Variants in SLC30A6 observed in about 807,000 individuals in gnomAD.
SLC30A6 encodes the protein solute carrier family 30 member 6.
Under a neutral mutation model 63.0 loss-of-function variants are expected in SLC30A6, and 55 were observed. The observed-to-expected ratio is 0.87, with a 90% CI of 0.70 to 1.09. The LOEUF (loss-of-function observed/expected upper bound fraction) is 1.09. Ranked by LOEUF, SLC30A6 falls within the 50% of genes least tolerant of loss-of-function variation. The probability of loss-of-function intolerance (pLI) is 0.00; values close to 1 mark genes in which losing one functional copy is unlikely to be tolerated. For synonymous variants in SLC30A6, 224 were observed against 186.1 expected, an observed-to-expected ratio of 1.20 and a Z score of -1.66; for missense variants, 587 against 549.2, an observed-to-expected ratio of 1.07 and a Z score of -0.69.
chr2:32,168,470 T>A (rs1680883832), intron 1 of SLC30A6, among the ~76,000 whole-genome samples: 1 of 150,532 alleles, frequency 6.6e-6, no homozygotes, highest in African/African-American at 2.4e-5. Flanking sequence ...AAACAAAATA[T>A]AAAGGAAAAT....
intron 8 of SLC30A6, among the ~76,000 whole-genome samples, chr2:32,194,418 A>C (rs1683598130): frequency 6.6e-6 from 1 of 152,234 alleles, no homozygotes; most frequent in South Asian, 2.1e-4. Context: ...GTGGATGGGC[A>C]TATATGTTTG....
chr2:32,215,512 A>G (rs1225392164), intron 13 of SLC30A6, among the ~76,000 whole-genome samples: 2 of 88,502 alleles, frequency 2.3e-5, no homozygotes, highest in Non-Finnish European at 4.8e-5. Flanking sequence ...ATATATATAT[A>G]TATATTTTTT....
chr2:32,176,381 A>C (rs976924005), intron 4 of SLC30A6, among the ~76,000 whole-genome samples: 2 of 152,140 alleles, frequency 1.3e-5, no homozygotes, highest in Non-Finnish European at 2.9e-5. Context: ...TTATTTGGCC[A>C]GGCTTAGTGG....
At chr2:32,206,841 T>G (rs1338104302) in intron 11 of SLC30A6, 45 bp from the exon 12 acceptor site, 1 of 1,541,758 alleles carries the variant, frequency 6.5e-7, no homozygotes, top group Non-Finnish European at 9.0e-7. Flanking sequence ...TTGGCAAACT[T>G]TTTTCCTTCC....
Position 32,213,521 on chromosome 2 carries a change from G to C in SLC30A6, c.885+3960G>C, listed in dbSNP as rs1356401358. ...GGTTTTTAGGTCAGTCAGATGTGCT[G>C]TTGCTTCCTGCTGCACAGATTGTGT... On this transcript the variant is annotated intron_variant, in intron 13 of 13. Transcript: ENST00000282587. Among the ~76,000 whole-genome samples the C allele has an allele frequency of 2.0e-5, 3 of 152,088 alleles. No individual in the cohort carries two copies. The East Asian group carries it at 5.8e-4, about 29-fold the overall frequency.
chr2:32,213,718 C>T (rs1017592885), intron 13 of SLC30A6, among the ~76,000 whole-genome samples: 5 of 151,838 alleles, frequency 3.3e-5, no homozygotes, highest in Admixed American at 3.3e-4. Flanking sequence ...CTAAATATGC[C>T]ATAATTTATT....
intron 1 of SLC30A6, among the ~76,000 whole-genome samples, chr2:32,166,385 C>T (rs1348794268): frequency 6.6e-6 from 1 of 151,918 alleles, no homozygotes; most frequent in Non-Finnish European, 1.5e-5. Context: ...TATTAAGTAG[C>T]CTGATTACGG....
intron 11 of SLC30A6, 63 bp downstream of exon 11, chr2:32,204,755 G>A (rs2148883297): frequency 1.3e-6 from 1 of 775,868 alleles, no homozygotes; most frequent in Non-Finnish European, 2.0e-6. Flanking sequence ...AGATTAAAAA[G>A]TTGTATGTGT....
At chr2:32,198,121 C>G (rs1683960465) in intron 10 of SLC30A6, among the ~76,000 whole-genome samples, 1 of 152,176 alleles carries the variant, frequency 6.6e-6, no homozygotes, top group Admixed American at 6.5e-5. Flanking sequence ...GCCACCACTG[C>G]TATTGCCGAG....
At chr2:32,170,782 A>G (rs1373216831) in intron 1 of SLC30A6, among the ~76,000 whole-genome samples, 1 of 152,184 alleles carries the variant, frequency 6.6e-6, no homozygotes, top group African/African-American at 2.4e-5. Context: ...TATTTTTAGT[A>G]GAGACAGGGT....
In SLC30A6 at chr2:32,200,077, T is replaced by C. The variant is rs187106582; in HGVS notation, c.665+2251T>C. 4.8e-3 allele frequency among the ~76,000 whole-genome samples: 716 copies of C among 149,294 alleles called. 8 individuals are homozygous for C. The highest frequency in any genetic ancestry group is 0.016 in the African/African-American group (626 of 40,046). ...AGGTTATATATATATGAGACATATA[T>C]ACACACACACACACACACAAATATA... On this transcript the variant is annotated intron_variant, in intron 10 of 13. Coordinates refer to ENST00000282587, the MANE Select transcript of SLC30A6 (RefSeq NM_017964.5).
intron 4 of SLC30A6, among the ~76,000 whole-genome samples, chr2:32,178,958 A>C (rs1682042169): frequency 6.6e-6 from 1 of 152,122 alleles, no homozygotes; most frequent in Non-Finnish European, 1.5e-5. Context: ...TTACCGCCTG[A>C]GCTCAAATGA....
rs773365120 is a variant in SLC30A6 at position 32,192,950 on chromosome 2, A to C, written c.398A>C (p.His133Pro). 7.3e-6 allele frequency: 11 copies of C among 1,512,358 alleles called. No homozygotes were observed. The highest frequency in any genetic ancestry group is 9.9e-6 in the Non-Finnish European group (11 of 1,113,818). 93.7% of individuals were successfully genotyped at this position (1,512,358 alleles called of 1,614,324 possible). A position where few individuals can be genotyped will look rare whatever the true frequency, so the allele number is the denominator to read the frequency against. ...CGCTTTTTGGAACAGCCCGAGATACACACGTGAGATTTTATTTTCAATATA... is the reference window on the plus strand; with the variant it reads ...CGCTTTTTGGAACAGCCCGAGATACCCACGTGAGATTTTATTTTCAATATA... The part of the protein sequence containing the change: ...AERFLEQPEI[H>P]TGRLLVGTFV... Residue 133 changes from histidine (H) to proline (P), a missense_variant, in exon 7 of 14, where the codon CAC becomes CCC. By Grantham distance (77) the His-to-Pro change is moderately conservative. Coordinates refer to ENST00000282587, the MANE Select transcript of SLC30A6 (RefSeq NM_017964.5).
At chr2:32,188,451 T>C (rs1217898427) in intron 5 of SLC30A6, among the ~76,000 whole-genome samples, 1 of 152,130 alleles carries the variant, frequency 6.6e-6, no homozygotes, top group Non-Finnish European at 1.5e-5. Flanking sequence ...CCCAGCGCTT[T>C]GGGAGGCCGA....
At chr2:32,203,924 G>A (rs1684516715) in intron 10 of SLC30A6, 5 of 838,884 alleles carry the variant, frequency 6.0e-6, no homozygotes, top group South Asian at 5.7e-5. Flanking sequence ...AGTCGCTCAG[G>A]AAGTTGACAA....
intron 1 of SLC30A6, among the ~76,000 whole-genome samples, chr2:32,170,384 T>C (rs1681092618): frequency 6.6e-6 from 1 of 152,208 alleles, no homozygotes. Context: ...GTTTGAACTC[T>C]CTGTTCTGCT....
Position 32,220,571 on chromosome 2 carries a change from A to G in SLC30A6, c.1244A>G (p.His415Arg), listed in dbSNP as rs199629847. The stretch of plus-strand genomic sequence containing the variant: ...AGGCCTTATGGTTTTGGTCTCAATC[A>G]TGGACACACACCTTACAGCAGCATG... ...QTRPYGFGLN[H>R]GHTPYSSMLN... The change falls in exon 14 of 14, where the codon CAT becomes CGT. Residue 415 changes from histidine (H) to arginine (R), a missense_variant. Physicochemically the swap from His to Arg is conservative, Grantham distance 29. Coordinates refer to ENST00000282587, the MANE Select transcript of SLC30A6 (RefSeq NM_017964.5). The G allele has an allele frequency of 4.0e-4, 645 of 1,614,216 alleles. 4 individuals are homozygous for G. The highest frequency in any genetic ancestry group is 6.9e-4 in the East Asian group (31 of 44,890).
chr2:32,173,706 G>C (rs556988730), intron 2 of SLC30A6, among the ~76,000 whole-genome samples: 1 of 152,204 alleles, frequency 6.6e-6, no homozygotes, highest in Non-Finnish European at 1.5e-5. Context: ...CCTTTATTCA[G>C]ATTCACCAGT....
intron 10 of SLC30A6, among the ~76,000 whole-genome samples, chr2:32,200,496 T>C (rs991380545): frequency 3.3e-5 from 5 of 151,268 alleles, no homozygotes; most frequent in African/African-American, 1.2e-4. Context: ...ACTTTTCATT[T>C]TGTTCTGTAC....
Sources: allele counts gnomAD v4.1 joint callset (sites outside exome capture counted in the v4.1 genomes callset), GRCh38; gene constraint gnomAD v4.1.1; transcripts MANE v1.5; gene names NCBI Gene and HGNC (gene_info 2026-07-23, HGNC 2026-07-21).